The following PTPRF variants were observed in gnomAD, a reference collection of about 807,000 sequenced individuals.
PTPRF encodes protein tyrosine phosphatase receptor type F.
PTPRF carries 59 observed loss-of-function variants against 201.8 expected under a neutral mutation model. That is an observed-to-expected ratio of 0.29 (90% CI 0.24 to 0.36). The LOEUF (loss-of-function observed/expected upper bound fraction) is 0.36. Ranked by LOEUF, PTPRF falls within the 10% of genes least tolerant of loss-of-function variation. The pLI is 1.00. For synonymous variants in PTPRF, 1,088 were observed against 1,089.7 expected (o/e 1.00, Z 0.03); for missense variants, 2,132 against 2,690.5 (o/e 0.79, Z 4.59).
In PTPRF at chr1:43,591,337, G is replaced by C; in HGVS notation, c.1315G>C (p.Glu439Gln). The change falls in exon 9 of 34, where the codon GAG (glutamate) becomes CAG (glutamine). Residue 439 changes from glutamate (E) to glutamine (Q), a missense_variant. Physicochemically the swap from Glu to Gln is conservative, Grantham distance 29. Coordinates refer to ENST00000359947, the MANE Select transcript of PTPRF (RefSeq NM_002840.5). ...GCTGGTGCAGTGGGAGCCTCCCGAG[G>C]AGCCCAACGGCCTGGTGCGGGGATA... ...TMLVQWEPPE[E>Q]PNGLVRGYRV... 1 of 1,552,284 alleles carries C rather than the reference G, an allele frequency of 6.4e-7. No homozygotes were observed. The highest frequency in any genetic ancestry group is 8.7e-7 in the Non-Finnish European group (1 of 1,149,188).
chr1:43,578,693 T>A (rs1647102915), intron 6 of PTPRF, 117 bp from the exon 7 acceptor site: 1 of 753,992 alleles, frequency 1.3e-6, no homozygotes, highest in African/African-American at 1.7e-5. Context: ...GGGTGTGGCC[T>A]GGATGAGCTT....
At position 43,604,952 on chromosome 1, in the gene PTPRF, G is replaced by A. The variant is rs552566881; in HGVS notation, c.3087G>A (p.Leu1029=). ...CGGCTGCAATGAAGACGTCTGTGCT[G>A]CTCAGCTGGGAGGTTCCCGACTCCT... ...RVAAAMKTSV[L]LSWEVPDSYK... The change falls in exon 17 of 34, where the codon CTG becomes CTA. Residue 1029 remains leucine (L), a synonymous_variant. Transcript: ENST00000359947. 8 of 1,614,142 alleles carry A rather than the reference G, an allele frequency of 5.0e-6. No homozygotes were observed. The highest frequency in any genetic ancestry group is 1.7e-5 in the Admixed American group (1 of 60,024).
chr1:43,552,093 A>C (rs1394931831), intron 3 of PTPRF, among the ~76,000 whole-genome samples: 1 of 145,066 alleles, frequency 6.9e-6, no homozygotes, highest in Non-Finnish European at 1.5e-5. Context: ...ATTGCCTTTC[A>C]TATCTGTCTT....
At chr1:43,562,113 T>A (rs2153980967) in intron 5 of PTPRF, among the ~76,000 whole-genome samples, 1 of 151,956 alleles carries the variant, frequency 6.6e-6, no homozygotes, top group East Asian at 1.9e-4. Context: ...GAGAGAGGAC[T>A]TGTTTTTTTT....
At position 43,603,861 on chromosome 1, in the gene PTPRF, G is replaced by A. The variant is rs1570558661; in HGVS notation, c.2709G>A (p.Glu903=). 1 of 1,614,096 alleles carries A rather than the reference G, an allele frequency of 6.2e-7. No individual in the cohort carries two copies. Among genetic ancestry groups the A allele is most frequent in the African/African-American group, 1.3e-5 (1 of 75,072 alleles). The change falls in exon 16 of 34, where the codon GAG becomes GAA. Residue 903 remains glutamate, a synonymous_variant. Coordinates refer to ENST00000359947, the MANE Select transcript of PTPRF (RefSeq NM_002840.5). The surrounding 1 kb of genome is among the most constrained non-coding windows in gnomAD (Gnocchi z 5.8). Reference sequence around the variant, plus strand: ...AGAACCGGGCTGGCTTGGGTGAGGAGTTCGAGAAGGAGATCAGGACCCCCG... The same window carrying A: ...AGAACCGGGCTGGCTTGGGTGAGGAATTCGAGAAGGAGATCAGGACCCCCG... ...AAKNRAGLGE[E]FEKEIRTPED...
intron 13 of PTPRF, 51 bp downstream of exon 13, chr1:43,598,964 C>A: frequency 6.4e-7 from 1 of 1,565,126 alleles, no homozygotes; most frequent in African/African-American, 1.3e-5. Context: ...GACCAGCATG[C>A]ACAAGCTCCC....
At chr1:43,573,826 G>A (rs75169664) in intron 6 of PTPRF, among the ~76,000 whole-genome samples, 284 of 152,182 alleles carry the variant, frequency 1.9e-3, no homozygotes, top group African/African-American at 6.6e-3. Flanking sequence ...GGCCAGGAGC[G>A]AGGGATGCCA....
At chr1:43,550,056 T>G (rs1003729932) in intron 3 of PTPRF, among the ~76,000 whole-genome samples, 2 of 145,012 alleles carry the variant, frequency 1.4e-5, no homozygotes, top group Non-Finnish European at 3.0e-5. Flanking sequence ...CGGGTGGAGG[T>G]GGATTGGAGG....
chr1:43,559,028 TCTC>T (rs1246398611), intron 5 of PTPRF, among the ~76,000 whole-genome samples: 2 of 152,078 alleles, frequency 1.3e-5, no homozygotes, highest in African/African-American at 2.4e-5. Flanking sequence ...GTTTTGGACT[TCTC>T]CTGGGGGGCT....
chr1:43,564,004 C>T (rs756826010), intron 5 of PTPRF, among the ~76,000 whole-genome samples: 45 of 152,208 alleles, frequency 3.0e-4, no homozygotes, highest in African/African-American at 9.4e-4. Flanking sequence ...GGGAGGGGGA[C>T]GCCGTGCCTG....
In PTPRF at chr1:43,552,293, A is replaced by G. The variant is rs186191873; in HGVS notation, c.92-1199A>G. 1.9e-3 allele frequency among the ~76,000 whole-genome samples: 289 copies of G among 152,106 alleles called. 3 individuals carry two copies. The highest frequency in any genetic ancestry group is 6.5e-3 in the African/African-American group (270 of 41,496). On this transcript the variant is annotated intron_variant, in intron 3 of 33. Coordinates refer to ENST00000359947, the MANE Select transcript of PTPRF (RefSeq NM_002840.5). ...TCTGTTCTTGTCAAGGTCCCTGACA[A>G]TCTTGTGTGAACTGTTTTGTACCAG...
intron 5 of PTPRF, among the ~76,000 whole-genome samples, chr1:43,561,070 G>A (rs1170864604): frequency 6.6e-6 from 1 of 152,122 alleles, no homozygotes; most frequent in Non-Finnish European, 1.5e-5. Flanking sequence ...GGTTCTGCAG[G>A]AGCTCTGACC....
intron 2 of PTPRF, among the ~76,000 whole-genome samples, chr1:43,541,640 A>G (rs1468165231): frequency 6.6e-6 from 1 of 152,230 alleles, no homozygotes; most frequent in African/African-American, 2.4e-5. Context: ...TGCTGTCCCC[A>G]TCATTTCATA....
At chr1:43,567,915 C>G (rs527370833) in intron 5 of PTPRF, among the ~76,000 whole-genome samples, 2 of 152,260 alleles carry the variant, frequency 1.3e-5, no homozygotes, top group South Asian at 4.2e-4. Context: ...CCCCAGGAGA[C>G]AGACAAAGAA....
In PTPRF at chr1:43,605,535, C is replaced by A. The variant is rs754954516; in HGVS notation, c.3396C>A (p.Phe1132Leu). Residue 1132 changes from phenylalanine (F) to leucine (L), a missense_variant, in exon 19 of 34, where the codon TTC becomes TTA. Transcript: ENST00000359947. ...TCCTGCCCTGCCCACCCAGGTGGTT[C>A]TACATTGTTGTGGTGCCCATTGACC... ...HVQDPSLVRW[F>L]YIVVVPIDRV... 1.9e-6 allele frequency: 3 copies of A among 1,614,038 alleles called. No individual in the cohort carries two copies. The African/African-American group carries it at 4.0e-5, about 22-fold the overall frequency.
chr1:43,570,995 C>T (rs1325892518), intron 6 of PTPRF, among the ~76,000 whole-genome samples: 1 of 152,244 alleles, frequency 6.6e-6, no homozygotes, highest in Admixed American at 6.5e-5. Context: ...AGACGCTCCT[C>T]CCTGCTGGCC....
chr1:43,559,540 T>C (rs1211984622), intron 5 of PTPRF, among the ~76,000 whole-genome samples: 1 of 151,146 alleles, frequency 6.6e-6, no homozygotes, highest in Non-Finnish European at 1.5e-5. Flanking sequence ...TGTGTGTTTA[T>C]GTGCAGCAAG....
chr1:43,596,148 G>A (rs1261365868), intron 11 of PTPRF, among the ~76,000 whole-genome samples: 2 of 152,140 alleles, frequency 1.3e-5, no homozygotes, highest in Non-Finnish European at 2.9e-5. Flanking sequence ...ATGGAGGGTG[G>A]GAAGGACAAG....
Position 43,620,856 on chromosome 1 carries a change from A to G in PTPRF, c.5383A>G (p.Ile1795Val). The G allele has an allele frequency of 6.2e-7, 1 of 1,613,172 alleles. No individual in the cohort carries two copies. The highest frequency in any genetic ancestry group is 8.5e-7 in the Non-Finnish European group (1 of 1,179,370). ...TDARDGQSRT[I>V]RQFQFTDWPE... ...TTCCCAGGATGGGCAGTCAAGGACA[A>G]TCCGGCAGTTCCAGTTCACAGACTG... Residue 1795 changes from isoleucine (I) to valine (V), a missense_variant, in exon 32 of 34, where the codon ATC becomes GTC. Coordinates refer to ENST00000359947, the MANE Select transcript of PTPRF (RefSeq NM_002840.5).
Sources: gnomAD v4.1 joint callset for allele counts (sites outside exome capture counted in the v4.1 genomes callset) on GRCh38, gnomAD v4.1.1 for gene constraint, Gnocchi (gnomAD v3.1) non-coding constraint, MANE v1.5 for transcripts, NCBI Gene and HGNC (gene_info 2026-07-23, HGNC 2026-07-21) for gene names.